The following PPP6R2 variants were observed in gnomAD, a reference collection of about 807,000 sequenced individuals.
The protein encoded by PPP6R2 is serine/threonine-protein phosphatase 6 regulatory subunit 2.
In PPP6R2, 62 loss-of-function variants were observed where a neutral mutation model predicts 100.2. The ratio of observed to expected loss-of-function variants is 0.62; its 90% CI spans 0.50 to 0.76. The LOEUF is 0.76. Among genes scored for constraint, PPP6R2 ranks in the 30% least tolerant of loss-of-function variants. The probability of loss-of-function intolerance (pLI) is 0.00; values close to 1 mark genes in which losing one functional copy is unlikely to be tolerated. For synonymous variants in PPP6R2, 525 were observed against 514.7 expected (o/e 1.02, Z -0.27); for missense variants, 1,142 against 1,276.3 (o/e 0.89, Z 1.60).
At chr22:50,364,064 T>G (rs2048291129) in intron 1 of PPP6R2, among the ~76,000 whole-genome samples, 1 of 151,924 alleles carries the variant, frequency 6.6e-6, no homozygotes, top group South Asian at 2.1e-4. Flanking sequence ...CTGGCTAGTT[T>G]TTTTGTATTT....
chr22:50,349,317 T>C (rs2044462921), intron 1 of PPP6R2, among the ~76,000 whole-genome samples: 1 of 139,082 alleles, frequency 7.2e-6, no homozygotes, highest in African/African-American at 2.8e-5. Flanking sequence ...TGAGCTGTGA[T>C]CACTCCATTG....
At chr22:50,435,886 A>C (rs1002634803) in intron 13 of PPP6R2, among the ~76,000 whole-genome samples, 2 of 152,118 alleles carry the variant, frequency 1.3e-5, no homozygotes, top group South Asian at 2.1e-4. Flanking sequence ...ATTCCATACG[A>C]TCTCCAGATT....
At chr22:50,367,446 G>A (rs894552381) in intron 1 of PPP6R2, among the ~76,000 whole-genome samples, 10 of 152,084 alleles carry the variant, frequency 6.6e-5, no homozygotes, top group African/African-American at 2.2e-4. Flanking sequence ...GAGAGTGTAG[G>A]AGGCTGTGAT....
At chr22:50,392,358 A>AAC (rs373741746) in intron 2 of PPP6R2, among the ~76,000 whole-genome samples, 2 of 147,118 alleles carry the variant, frequency 1.4e-5, no homozygotes, top group Non-Finnish European at 1.5e-5. Context: ...AAAAAAAAAA[A>AAC]CCCACCCCAA....
the PPP6R2 span, among the ~76,000 whole-genome samples, chr22:50,334,732 A>G: frequency 1.3e-5 from 2 of 152,104 alleles, no homozygotes; most frequent in African/African-American, 4.8e-5. Context: ...TTGGGAGGCC[A>G]AGGTGGGTGG....
At chr22:50,420,503 G>T (rs960629148) in intron 8 of PPP6R2, among the ~76,000 whole-genome samples, 1 of 152,198 alleles carries the variant, frequency 6.6e-6, no homozygotes, top group African/African-American at 2.4e-5. Flanking sequence ...AGGTGCTGGA[G>T]ACCCTTCTCT....
chr22:50,355,377 T>C (rs1179684154), intron 1 of PPP6R2, among the ~76,000 whole-genome samples: 1 of 149,552 alleles, frequency 6.7e-6, no homozygotes, highest in Non-Finnish European at 1.5e-5. Flanking sequence ...TAGCTGGGAC[T>C]GCAGGTACCT....
Position 50,443,837 on chromosome 22 carries a change from C to T in PPP6R2, c.2580-29C>T, listed in dbSNP as rs895711409. The T allele has an allele frequency of 3.2e-5, 50 of 1,548,952 alleles. 1 individual carries two copies. Among genetic ancestry groups the T allele is most frequent in the South Asian group, 8.2e-5 (7 of 85,030 alleles). On this transcript the variant is annotated intron_variant, in intron 22 of 23. Coordinates refer to ENST00000612753, the MANE Select transcript of PPP6R2 (RefSeq NM_001242898.2). ...GGGTGGCACTGAGGGTGGGGGTGCC[C>T]GTAACCGGAGTCCATGTTTGCCACA...
intron 3 of PPP6R2, among the ~76,000 whole-genome samples, chr22:50,395,968 G>T (rs1445114135): frequency 6.6e-6 from 1 of 151,870 alleles, no homozygotes; most frequent in Non-Finnish European, 1.5e-5. Flanking sequence ...GCCAAGGCGG[G>T]CGGATCACCT....
intron 22 of PPP6R2, among the ~76,000 whole-genome samples, chr22:50,442,407 G>T (rs111557883): frequency 0.023 from 3,497 of 152,342 alleles, 52 homozygotes; most frequent in East Asian, 0.037. Context: ...TGCAGCAAGT[G>T]GGGGGCACAG....
At chr22:50,356,496 A>G (rs997650887) in intron 1 of PPP6R2, among the ~76,000 whole-genome samples, 1 of 152,062 alleles carries the variant, frequency 6.6e-6, no homozygotes, top group East Asian at 1.9e-4. Flanking sequence ...TAGTAGAGAC[A>G]AGATTTTGCC....
At chr22:50,334,308 C>G in the PPP6R2 span, among the ~76,000 whole-genome samples, 2 of 152,246 alleles carry the variant, frequency 1.3e-5, no homozygotes, top group Non-Finnish European at 2.9e-5. Context: ...CCTCTAGAGG[C>G]CCTGTCCGGG....
chr22:50,426,965 G>C (rs1050632078), intron 10 of PPP6R2, among the ~76,000 whole-genome samples: 1 of 151,898 alleles, frequency 6.6e-6, no homozygotes, highest in African/African-American at 2.4e-5. Context: ...GAGGTGGGTG[G>C]ATCATGAGGT....
At chr22:50,337,601 TG>T in the PPP6R2 span, among the ~76,000 whole-genome samples, 5 of 108,722 alleles carry the variant, frequency 4.6e-5, no homozygotes, top group East Asian at 2.5e-4. Context: ...TGTGGTGTGT[TG>T]GGGGTGTGTG....
chr22:50,444,177 C>G, intron 23 of PPP6R2, 22 bp from the exon 24 acceptor site: 1 of 1,612,890 alleles, frequency 6.2e-7, no homozygotes, highest in Non-Finnish European at 8.5e-7. Flanking sequence ...CGCACGGTTC[C>G]AACCCCACCC....
intron 8 of PPP6R2, among the ~76,000 whole-genome samples, chr22:50,421,221 A>G (rs943428987): frequency 1.3e-5 from 2 of 152,222 alleles, no homozygotes; most frequent in African/African-American, 2.4e-5. Flanking sequence ...TTTAATCTTC[A>G]TAAACCCAGG....
intron 21 of PPP6R2, 124 bp downstream of exon 21, chr22:50,440,173 G>T (rs1361422709): frequency 9.2e-6 from 8 of 874,138 alleles, no homozygotes; most frequent in Non-Finnish European, 1.4e-5. Flanking sequence ...TACGTCTCTG[G>T]TGACATTGGG....
At chr22:50,432,758 G>C (rs1338970628) in intron 12 of PPP6R2, among the ~76,000 whole-genome samples, 3 of 152,188 alleles carry the variant, frequency 2.0e-5, no homozygotes, top group African/African-American at 7.2e-5. Context: ...GCTTATTGTC[G>C]TGGGCCCAGA....
At chr22:50,434,652 T>C (rs8137334) in intron 12 of PPP6R2, among the ~76,000 whole-genome samples, 1 of 83,754 alleles carries the variant, frequency 1.2e-5, no homozygotes, top group Non-Finnish European at 2.3e-5. Flanking sequence ...GGGGCATGGA[T>C]GCTGGGCAGG....
Sources: gnomAD v4.1 joint callset for allele counts (sites outside exome capture counted in the v4.1 genomes callset) on GRCh38, gnomAD v4.1.1 for gene constraint, MANE v1.5 for transcripts, NCBI Gene and HGNC (gene_info 2026-07-23, HGNC 2026-07-21) for gene names.